HIP1: variants seen among roughly 807,000 people sequenced by gnomAD.
The protein encoded by HIP1 is huntingtin-interacting protein 1.
HIP1 carries 65 observed loss-of-function variants against 147.6 expected under a neutral mutation model. That is an observed-to-expected ratio of 0.44 (90% confidence interval 0.36 to 0.54). HIP1 has a LOEUF of 0.54. HIP1 is among the 20% of genes least tolerant of loss of function. HIP1 has a pLI of 0.00. For synonymous variants in HIP1, 479 were observed against 504.0 expected (o/e 0.95, Z 0.67); for missense variants, 1,061 against 1,299.6 (o/e 0.82, Z 2.82).
chr7:75,583,756 T>TTGTG (rs60640180), intron 5 of HIP1, among the ~76,000 whole-genome samples: 3,820 of 115,434 alleles, frequency 0.033, 84 homozygotes, highest in African/African-American at 0.049. Context: ...GCGGGCTAAT[T>TTGTG]TGTGTGTGTG....
In HIP1 at chr7:75,537,569, G is replaced by A. The variant is rs1333218559; in HGVS notation, c.*603C>T. The A allele has an allele frequency of 4.3e-6, 1 of 232,816 alleles. No individual in the cohort carries two copies. The highest frequency in any genetic ancestry group is 8.5e-6 in the Non-Finnish European group (1 of 117,978). The allele number at this position is 232,816 out of a possible 1,614,324, so 14.4% of individuals were successfully genotyped here. On this transcript the variant is annotated 3_prime_UTR_variant, in exon 31 of 31. Transcript: ENST00000336926. ...CAACCAACCACCATAAGAAGCAGTGGAAATCCATGGCACTGCCCAAAGAGG... is the reference window on the plus strand; with the variant it reads ...CAACCAACCACCATAAGAAGCAGTGAAAATCCATGGCACTGCCCAAAGAGG...
At chr7:75,682,018 C>CTT (rs71098063) in intron 1 of HIP1, among the ~76,000 whole-genome samples, 19 of 84,212 alleles carry the variant, frequency 2.3e-4, no homozygotes, top group Admixed American at 3.3e-4. Flanking sequence ...GCAACAACCT[C>CTT]TTTTTTTTTT....
chr7:75,577,825 C>T (rs1296590800), intron 7 of HIP1, among the ~76,000 whole-genome samples: 1 of 152,122 alleles, frequency 6.6e-6, no homozygotes, highest in Non-Finnish European at 1.5e-5. Flanking sequence ...CATGGTGAAA[C>T]CCTGTCTCTA....
chr7:75,623,130 G>A (rs952113090), intron 1 of HIP1, among the ~76,000 whole-genome samples: 9 of 149,398 alleles, frequency 6.0e-5, no homozygotes, highest in African/African-American at 2.0e-4. Flanking sequence ...CCTGGGAGAC[G>A]GAAGTTGCAA....
At chr7:75,596,677 C>T (rs1440341063) in intron 2 of HIP1, among the ~76,000 whole-genome samples, 1 of 152,218 alleles carries the variant, frequency 6.6e-6, no homozygotes, top group Non-Finnish European at 1.5e-5. Context: ...TGAGCCACCA[C>T]ACCTGGCCTG....
chr7:75,680,180 T>A (rs1416547410), intron 1 of HIP1, among the ~76,000 whole-genome samples: 1 of 152,106 alleles, frequency 6.6e-6, no homozygotes, highest in East Asian at 1.9e-4. Context: ...ATAGCTGGGA[T>A]TACAGGCGAC....
Position 75,569,428 on chromosome 7 carries a change from A to AC in HIP1, c.746-1173dup, listed in dbSNP as rs587723100. Among the ~76,000 whole-genome samples, 39 of 151,956 alleles carry AC rather than the reference A, an allele frequency of 2.6e-4. 2 individuals carry two copies. The South Asian group carries it at 7.5e-3, about 29-fold the overall frequency. On this transcript the variant is annotated intron_variant, in intron 8 of 30. Coordinates refer to ENST00000336926, the MANE Select transcript of HIP1 (RefSeq NM_005338.7). ...AGACCAGCCTGGGCAACATAGTGAG[A>AC]CCCCCATCTCTACAAAAATTAAGAA...
At chr7:75,712,473 G>A (rs1046612656) in intron 1 of HIP1, among the ~76,000 whole-genome samples, 1 of 152,104 alleles carries the variant, frequency 6.6e-6, no homozygotes, top group African/African-American at 2.4e-5. Context: ...AATCACAAAG[G>A]GGTGTGTGTT....
chr7:75,616,531 C>T (rs1797668266), intron 1 of HIP1, among the ~76,000 whole-genome samples: 1 of 151,334 alleles, frequency 6.6e-6, no homozygotes, highest in South Asian at 2.1e-4. Flanking sequence ...CCTTAGCCTC[C>T]CAAAGTGCTG....
chr7:75,571,001 C>T (rs1299725996), intron 8 of HIP1, among the ~76,000 whole-genome samples: 1 of 151,880 alleles, frequency 6.6e-6, no homozygotes, highest in Non-Finnish European at 1.5e-5. Context: ...CAGAGCGAGA[C>T]CCTGTTTCAG....
intron 1 of HIP1, among the ~76,000 whole-genome samples, chr7:75,685,578 C>T (rs1016432520): frequency 6.6e-6 from 1 of 152,230 alleles, no homozygotes; most frequent in Non-Finnish European, 1.5e-5. Flanking sequence ...GACGAAGTCT[C>T]GCTCTTGTCG....
chr7:75,650,175 AGG>A (rs1798925777), intron 1 of HIP1, among the ~76,000 whole-genome samples: 1 of 152,118 alleles, frequency 6.6e-6, no homozygotes, highest in Non-Finnish European at 1.5e-5. Flanking sequence ...AGGCTGCGGG[AGG>A]CCAGCAGGGG....
chr7:75,616,085 C>CAGAAAAAAAAAAAAAA (rs1797645608), intron 1 of HIP1, among the ~76,000 whole-genome samples: 1 of 35,322 alleles, frequency 2.8e-5, no homozygotes, highest in African/African-American at 1.2e-4. Context: ...GACTCTGTCT[C>CAGAAAAAAAAAAAAAA]AAAAAAAAAA....
chr7:75,654,989 A>G (rs994840331), intron 1 of HIP1, among the ~76,000 whole-genome samples: 1 of 152,186 alleles, frequency 6.6e-6, no homozygotes, highest in Non-Finnish European at 1.5e-5. Context: ...TCTCTACAAC[A>G]ATGATGACAA....
intron 1 of HIP1, among the ~76,000 whole-genome samples, chr7:75,706,413 C>G (rs1800995550): frequency 1.3e-5 from 2 of 150,330 alleles, no homozygotes; most frequent in African/African-American, 4.9e-5. Context: ...TTGCATTTTC[C>G]TAATGATTAA....
chr7:75,631,975 G>A (rs928954823), intron 1 of HIP1, among the ~76,000 whole-genome samples: 7 of 152,134 alleles, frequency 4.6e-5, no homozygotes, highest in Admixed American at 3.3e-4. Flanking sequence ...CACTGTGGGA[G>A]GGGCTGTCTT....
chr7:75,671,346 G>A (rs1799726513), intron 1 of HIP1, among the ~76,000 whole-genome samples: 1 of 151,492 alleles, frequency 6.6e-6, no homozygotes, highest in Non-Finnish European at 1.5e-5. Context: ...TGCCTGCCTT[G>A]GCCTCCCAAA....
In HIP1 at chr7:75,663,938, ATATATATATACACATATATGTG is replaced by A. The variant is rs1554513995; in HGVS notation, c.121-64713_121-64692del. 4.4e-4 allele frequency among the ~76,000 whole-genome samples: 51 copies of A among 116,738 alleles called. 8 individuals are homozygous for A. Among genetic ancestry groups the A allele is most frequent in the Admixed American group, 1.4e-3 (12 of 8,692 alleles). The allele number at this position is 116,738 out of a possible 152,430, so 76.6% of individuals were successfully genotyped here. A position where few individuals can be genotyped will look rare whatever the true frequency, so the allele number is the denominator to read the frequency against. On this transcript the variant is annotated intron_variant, in intron 1 of 30. Transcript: ENST00000336926. ...TCCATTATTTTATGTATGTGTGTAT[ATATATATATACACATATATGTG>A]TATATATATATACACATATATGTGT...
rs1554492493 is a variant in HIP1 at position 75,553,449 on chromosome 7, G to C, written c.2295+4C>G. 6.2e-7 allele frequency: 1 copy of C among 1,613,720 alleles called. No individual in the cohort carries two copies. Among genetic ancestry groups the C allele is most frequent in the Non-Finnish European group, 8.5e-7 (1 of 1,179,928 alleles). On this transcript the variant is annotated splice_donor_region_variant and intron_variant, in intron 22 of 30. Coordinates refer to ENST00000336926, the MANE Select transcript of HIP1 (RefSeq NM_005338.7). The stretch of plus-strand genomic sequence containing the variant: ...ATGCTCCTCAATGATACTACTCCAA[G>C]TACCTCGCCGATGGCCTTGATCTTG...
Sources: allele counts gnomAD v4.1 joint callset (sites outside exome capture counted in the v4.1 genomes callset), GRCh38; gene constraint gnomAD v4.1.1; transcripts MANE v1.5; gene names NCBI Gene and HGNC (gene_info 2026-07-23, HGNC 2026-07-21).